The following MYL1 variants were observed in gnomAD, a reference collection of about 807,000 sequenced individuals.
The protein encoded by MYL1 is myosin light chain 1/3, skeletal muscle isoform.
Under a neutral mutation model 21.8 loss-of-function variants are expected in MYL1, and 16 were observed. The ratio of observed to expected loss-of-function variants is 0.74; its 90% CI spans 0.50 to 1.12. MYL1 has a LOEUF of 1.12. Ranked by LOEUF, MYL1 falls within the 50% of genes most tolerant of loss-of-function variation. The probability of loss-of-function intolerance (pLI) is 0.00; values close to 1 mark genes in which losing one functional copy is unlikely to be tolerated. For synonymous variants in MYL1, 99 were observed against 85.2 expected, an observed-to-expected ratio of 1.16 and a Z score of -0.89; for missense variants, 246 against 241.0, an observed-to-expected ratio of 1.02 and a Z score of -0.14.
At chr2:210,291,102 C>T (rs1690068393) in intron 5 of MYL1, 28 bp from the exon 6 acceptor site, 2 of 1,590,630 alleles carry the variant, frequency 1.3e-6, no homozygotes, top group Non-Finnish European at 8.6e-7. Flanking sequence ...ACAAAATAGA[C>T]AATTTAGAGT....
intron 2 of MYL1, 62 bp downstream of exon 2, chr2:210,302,426 G>C (rs917079206): frequency 1.3e-5 from 19 of 1,493,782 alleles, no homozygotes; most frequent in African/African-American, 2.8e-5. Flanking sequence ...CAAGGGAGTT[G>C]GTTTTCACAC....
chr2:210,310,448 C>A (rs1165743193), intron 1 of MYL1, among the ~76,000 whole-genome samples: 1 of 151,840 alleles, frequency 6.6e-6, no homozygotes, highest in Non-Finnish European at 1.5e-5. Flanking sequence ...AGAATATTAG[C>A]CTGATAGCAA....
At chr2:210,308,434 A>G (rs1206735080) in intron 1 of MYL1, among the ~76,000 whole-genome samples, 1 of 136,034 alleles carries the variant, frequency 7.4e-6, no homozygotes, top group Non-Finnish European at 1.6e-5. Context: ...ATATATATAT[A>G]TATATATTCT....
chr2:210,294,301 T>G lies in MYL1; in HGVS notation c.422A>C (p.Lys141Thr), dbSNP rs1690136888. 1 of 1,614,028 alleles carries G rather than the reference T, an allele frequency of 6.2e-7. No individual in the cohort carries two copies. The highest frequency in any genetic ancestry group is 2.2e-5 in the East Asian group (1 of 44,866). The change falls in exon 4 of 7, where the codon AAG becomes ACG. Residue 141 changes from lysine (K) to threonine (T), a missense_variant. By Grantham distance (78) the Lys-to-Thr change is moderately conservative. Transcript: ENST00000352451. The part of the protein sequence containing the change: ...DFVEGLRVFD[K>T]EGNGTVMGAE... Reference sequence around the variant, plus strand: ...ACCCATGACTGTGCCATTGCCTTCCTTGTCAAAGACACGCAGACCCTCAAC... The same window carrying G: ...ACCCATGACTGTGCCATTGCCTTCCGTGTCAAAGACACGCAGACCCTCAAC...
chr2:210,311,500 C>G (rs1490430322), intron 1 of MYL1, among the ~76,000 whole-genome samples: 7 of 151,998 alleles, frequency 4.6e-5, no homozygotes, highest in Admixed American at 4.6e-4. Context: ...CTCACAATAT[C>G]TAGTCACGGC....
intron 4 of MYL1, 87 bp from the exon 5 acceptor site, chr2:210,293,887 A>T: frequency 2.6e-6 from 3 of 1,140,792 alleles, no homozygotes; most frequent in Non-Finnish European, 3.9e-6. Flanking sequence ...GGCTCTGGAG[A>T]CTAAACTCTT....
intron 1 of MYL1, among the ~76,000 whole-genome samples, chr2:210,304,631 C>T (rs1422421118): frequency 6.6e-6 from 1 of 152,234 alleles, no homozygotes; most frequent in Non-Finnish European, 1.5e-5. Context: ...CAGCCTTGAA[C>T]TCCTGGGCTC....
intron 3 of MYL1, among the ~76,000 whole-genome samples, chr2:210,298,000 G>A (rs1000845032): frequency 2.0e-5 from 3 of 152,014 alleles, no homozygotes; most frequent in Non-Finnish European, 4.4e-5. Flanking sequence ...TTGCCAAAAT[G>A]TGTTTTTGCC....
rs138621267 is a variant in MYL1 at position 210,313,942 on chromosome 2, C to T, written c.132+969G>A. On this transcript the variant is annotated intron_variant, in intron 1 of 6. Transcript: ENST00000352451. ...AGTTCACCTCATGGGTACTATTGCT[C>T]ATTGATTTTCCATATAAGGCAGGTT... Among the ~76,000 whole-genome samples, 964 of 152,124 alleles carry T rather than the reference C, an allele frequency of 6.3e-3. 9 individuals are homozygous for T. The highest frequency in any genetic ancestry group is 0.022 in the African/African-American group (899 of 41,540).
chr2:210,303,650 T>C (rs1459104194), intron 1 of MYL1: 4 of 1,532,636 alleles, frequency 2.6e-6, no homozygotes, highest in Non-Finnish European at 2.6e-6. Context: ...CTTTTATTTC[T>C]GGGCAAGCTT....
intron 1 of MYL1, among the ~76,000 whole-genome samples, chr2:210,305,312 C>A (rs1012433377): frequency 6.6e-6 from 1 of 151,776 alleles, no homozygotes. Context: ...TAAACATTTT[C>A]GTAAATAGCT....
chr2:210,302,439 G>C, intron 2 of MYL1, 49 bp downstream of exon 2: 2 of 1,555,314 alleles, frequency 1.3e-6, no homozygotes, highest in South Asian at 2.4e-5. Context: ...TTTCACACAT[G>C]CCATCTTTAT....
At chr2:210,306,516 C>T (rs1690343790) in intron 1 of MYL1, among the ~76,000 whole-genome samples, 1 of 152,140 alleles carries the variant, frequency 6.6e-6, no homozygotes, top group Non-Finnish European at 1.5e-5. Context: ...CCTAGTCTTT[C>T]TCCATACCTT....
At chr2:210,299,582 A>G (rs1373211595) in intron 2 of MYL1, among the ~76,000 whole-genome samples, 1 of 152,120 alleles carries the variant, frequency 6.6e-6, no homozygotes, top group East Asian at 1.9e-4. Context: ...CATTGTATTG[A>G]TGACTTTCTC....
rs112894708 is a variant in MYL1 at position 210,298,339 on chromosome 2, TACACAC to T, written c.304+75_304+80del. On this transcript the variant is annotated intron_variant, in intron 3 of 6. Transcript: ENST00000352451. ...ACACATACTACACACACACACATACTACACACACACACACACACACACACACACTGC... is the reference window on the plus strand; with the variant it reads ...ACACATACTACACACACACACATACTACACACACACACACACACACACTGC... 1,543 of 1,184,146 alleles carry T rather than the reference TACACAC, an allele frequency of 1.3e-3. 2 individuals carry two copies. Among genetic ancestry groups the T allele is most frequent in the East Asian group, 5.5e-3 (223 of 40,560 alleles). 73.4% of individuals were successfully genotyped at this position (1,184,146 alleles called of 1,614,324 possible). A position where few individuals can be genotyped will look rare whatever the true frequency, so the allele number is the denominator to read the frequency against.
intron 4 of MYL1, 113 bp downstream of exon 4, chr2:210,294,132 T>C (rs575469160): frequency 5.5e-5 from 63 of 1,146,878 alleles, no homozygotes; most frequent in Admixed American, 3.2e-4. Flanking sequence ...TATTTTTTTT[T>C]CCCATTTTCC....
chr2:210,302,479 T>A lies in MYL1; in HGVS notation c.160+9A>T. The A allele has an allele frequency of 6.2e-7, 1 of 1,608,300 alleles. No individual in the cohort carries two copies. ...GTGCACATTTAAGAACCATAGCTTT[T>A]AAACTTACCATCCTGCTGTTCCTTA... is the stretch of plus-strand genomic sequence containing the variant. On this transcript the variant is annotated intron_variant, in intron 2 of 6. Transcript: ENST00000352451.
At chr2:210,313,919 T>C (rs1690452793) in intron 1 of MYL1, among the ~76,000 whole-genome samples, 1 of 152,094 alleles carries the variant, frequency 6.6e-6, no homozygotes, top group Non-Finnish European at 1.5e-5. Context: ...AAGTGAAAAG[T>C]TCACCTCATG....
At chr2:210,313,346 ACAGAGTG>A (rs1690444566) in intron 1 of MYL1, among the ~76,000 whole-genome samples, 1 of 152,008 alleles carries the variant, frequency 6.6e-6, no homozygotes, top group Admixed American at 6.5e-5. Flanking sequence ...TTATGTTACT[ACAGAGTG>A]CAGAGTTAAA....
Sources: allele counts gnomAD v4.1 joint callset (sites outside exome capture counted in the v4.1 genomes callset), GRCh38; gene constraint gnomAD v4.1.1; transcripts MANE v1.5; gene names NCBI Gene and HGNC (gene_info 2026-07-23, HGNC 2026-07-21).